Variants in PSMG4 observed in about 807,000 individuals in gnomAD.
PSMG4 encodes the protein proteasome (prosome, macropain) assembly chaperone 4.
PSMG4 carries 10 observed loss-of-function variants against 11.0 expected under a neutral mutation model. The observed-to-expected ratio is 0.91, with a 90% CI of 0.56 to 1.54. The LOEUF (loss-of-function observed/expected upper bound fraction) is 1.54. Ranked by LOEUF, PSMG4 falls within the 40% of genes most tolerant of loss-of-function variation. PSMG4 has a pLI of 0.00. For synonymous variants in PSMG4, 95 were observed against 71.3 expected (o/e 1.33, Z -1.68); for missense variants, 198 against 160.9 (o/e 1.23, Z -1.25).
At chr6:3,265,893 A>G (rs896620481) in intron 2 of PSMG4, 7 of 149,906 alleles carry the variant, frequency 4.7e-5, no homozygotes, top group Non-Finnish European at 7.4e-5. Flanking sequence ...GAATAACCGA[A>G]CAGCTGCCTT....
intron 1 of PSMG4, among the ~76,000 whole-genome samples, chr6:3,262,929 C>T (rs1263540080): frequency 6.6e-6 from 1 of 152,086 alleles, no homozygotes; most frequent in Non-Finnish European, 1.5e-5. Flanking sequence ...GTCCTCCCTC[C>T]ACAGGCTCCC....
intron 1 of PSMG4, among the ~76,000 whole-genome samples, chr6:3,262,888 C>T (rs1758046581): frequency 6.6e-6 from 1 of 150,740 alleles, no homozygotes; most frequent in African/African-American, 2.4e-5. Context: ...CTTCATTGTC[C>T]AGGCTGGTCT....
chr6:3,258,702 G>T (rs886194757), upstream of PSMG4, among the ~76,000 whole-genome samples: 2 of 152,058 alleles, frequency 1.3e-5, no homozygotes, highest in African/African-American at 4.8e-5. Flanking sequence ...GGGCGCCCGT[G>T]GACTCCTAGA....
At chr6:3,256,462 A>G (rs1757771101), upstream of PSMG4, among the ~76,000 whole-genome samples, 1 of 152,104 alleles carries the variant, frequency 6.6e-6, no homozygotes, top group African/African-American at 2.4e-5. Flanking sequence ...AACCCTTCAA[A>G]TGTTGCATCT....
chr6:3,262,862 G>A, intron 1 of PSMG4, among the ~76,000 whole-genome samples: 1 of 2,594 alleles, frequency 3.9e-4, no homozygotes, highest in Non-Finnish European at 1.1e-3. Flanking sequence ...TAATAAAAAT[G>A]TAGAGACAGA....
chr6:3,260,277 GTATATA>G lies in PSMG4; in HGVS notation c.174+1091_174+1096del, dbSNP rs70998384. On this transcript the variant is annotated intron_variant, in intron 1 of 2. Coordinates refer to ENST00000438998, the MANE Select transcript of PSMG4 (RefSeq NM_001128591.2). ...CTCCAGTATAACCTTGTCTTAAATT[GTATATA>G]TATATATATTTTTTTTTTTTTTTTT... 1.8e-3 allele frequency among the ~76,000 whole-genome samples: 202 copies of G among 111,540 alleles called. 6 individuals are homozygous for G. The highest frequency in any genetic ancestry group is 5.5e-3 in the African/African-American group (125 of 22,836). 73.2% of individuals were successfully genotyped at this position (111,540 alleles called of 152,430 possible).
At chr6:3,262,528 T>C (rs970875922) in intron 1 of PSMG4, among the ~76,000 whole-genome samples, 14 of 152,318 alleles carry the variant, frequency 9.2e-5, no homozygotes, top group African/African-American at 2.9e-4. Context: ...TTATTGTCTT[T>C]TGTGGAAGTG....
At position 3,259,118 on chromosome 6, in the gene PSMG4, G is replaced by A. The variant is rs1757865870; in HGVS notation, c.96G>A (p.Arg32=). Residue 32 remains arginine (R), a synonymous_variant, in exon 1 of 3, where the codon CGG becomes CGA. Transcript: ENST00000438998. ...WEQLVHFHVM[R]LTDSLFLWVG... is the part of the protein sequence containing the mutation. ...AGCTGGTCCACTTCCACGTCATGCG[G>A]CTGACGGACTCGCTGTTCCTGTGGG... is the stretch of plus-strand genomic sequence containing the variant. 3.1e-6 allele frequency: 4 copies of A among 1,283,098 alleles called. No homozygotes were observed. The African/African-American group carries it at 4.6e-5, about 15-fold the overall frequency. 79.5% of individuals were successfully genotyped at this position (1,283,098 alleles called of 1,614,324 possible). A position where few individuals can be genotyped will look rare whatever the true frequency, so the allele number is the denominator to read the frequency against.
At chr6:3,254,610 C>G (rs530597691), upstream of PSMG4, among the ~76,000 whole-genome samples, 1 of 151,966 alleles carries the variant, frequency 6.6e-6, no homozygotes, top group East Asian at 1.9e-4. Flanking sequence ...TTCCAGTAGG[C>G]GTAGCTTTAA....
At chr6:3,255,243 G>A (rs1162705915), upstream of PSMG4, 2 of 1,548,912 alleles carry the variant, frequency 1.3e-6, no homozygotes, top group Non-Finnish European at 1.7e-6. Context: ...AGCCTTCCAT[G>A]CTGTTGGGTT....
chr6:3,254,987 A>G (rs1445541864), upstream of PSMG4: 24 of 1,510,302 alleles, frequency 1.6e-5, no homozygotes, highest in African/African-American at 2.8e-5. Context: ...TGTGGATCCC[A>G]TGGACCTAGC....
upstream of PSMG4, among the ~76,000 whole-genome samples, chr6:3,254,764 C>G (rs763929436): frequency 5.9e-5 from 9 of 152,202 alleles, no homozygotes; most frequent in Admixed American, 2.0e-4. Flanking sequence ...AACTGTAATG[C>G]TCACCTGTAG....
intron 1 of PSMG4, among the ~76,000 whole-genome samples, chr6:3,260,411 C>G (rs933646270): frequency 1.3e-5 from 2 of 151,018 alleles, no homozygotes; most frequent in South Asian, 2.1e-4. Flanking sequence ...GCCTCACCCT[C>G]CTGAGTAGCT....
upstream of PSMG4, among the ~76,000 whole-genome samples, chr6:3,257,481 C>T (rs1279904661): frequency 1.3e-5 from 2 of 152,174 alleles, no homozygotes; most frequent in Non-Finnish European, 2.9e-5. Flanking sequence ...TCTTTGGGTC[C>T]TCCTAGCTGA....
chr6:3,255,776 TC>T (rs1757741653), upstream of PSMG4, among the ~76,000 whole-genome samples: 12 of 152,222 alleles, frequency 7.9e-5, no homozygotes, highest in Admixed American at 6.5e-4. Flanking sequence ...CTGTGGAATG[TC>T]CAGAGAGTCC....
upstream of PSMG4, among the ~76,000 whole-genome samples, chr6:3,257,933 A>T (rs1160337707): frequency 6.6e-6 from 1 of 152,282 alleles, no homozygotes; most frequent in Non-Finnish European, 1.5e-5. Flanking sequence ...ATCGATAATT[A>T]GCAAATAGAA....
chr6:3,257,722 GTGGT>G (rs1342710915), upstream of PSMG4, among the ~76,000 whole-genome samples: 5 of 152,148 alleles, frequency 3.3e-5, no homozygotes, highest in African/African-American at 1.2e-4. Context: ...AAGCAGATCA[GTGGT>G]TGGGGGCAGG....
At chr6:3,261,043 T>G (rs908092734) in intron 1 of PSMG4, among the ~76,000 whole-genome samples, 44 of 152,114 alleles carry the variant, frequency 2.9e-4, no homozygotes, top group African/African-American at 1.1e-3. Flanking sequence ...CACCGCTCTC[T>G]AAGTCCCTGT....
upstream of PSMG4, chr6:3,254,983 T>C (rs370284910): frequency 6.7e-7 from 1 of 1,493,046 alleles, no homozygotes; most frequent in Non-Finnish European, 9.0e-7. Flanking sequence ...TGGCTGTGGA[T>C]CCCATGGACC....
Sources: allele counts gnomAD v4.1 joint callset (sites outside exome capture counted in the v4.1 genomes callset), GRCh38; gene constraint gnomAD v4.1.1; transcripts MANE v1.5; gene names NCBI Gene and HGNC (gene_info 2026-07-23, HGNC 2026-07-21).